Variants in MGA observed in about 807,000 individuals in gnomAD.
MGA encodes the protein MAX gene-associated protein.
A neutral mutation model predicts 261.1 loss-of-function variants in MGA; 40 were observed. The ratio of observed to expected loss-of-function variants is 0.15; its 90% CI spans 0.12 to 0.20. The LOEUF (loss-of-function observed/expected upper bound fraction) is 0.20, where lower values mean the gene tolerates loss of function less well. Ranked by LOEUF, MGA falls within the 10% of genes least tolerant of loss-of-function variation. MGA has a pLI of 1.00. For synonymous variants in MGA, 1,302 were observed against 1,290.6 expected, an observed-to-expected ratio of 1.01 and a Z score of -0.19; for missense variants, 3,397 against 3,630.5, an observed-to-expected ratio of 0.94 and a Z score of 1.65.
At chr15:41,745,251 C>G (rs1202026826) in intron 15 of MGA, among the ~76,000 whole-genome samples, 2 of 145,088 alleles carry the variant, frequency 1.4e-5, no homozygotes, top group African/African-American at 5.1e-5. Context: ...GCCAAATCCC[C>G]CTATGCGAGA....
intron 2 of MGA, among the ~76,000 whole-genome samples, chr15:41,689,253 C>T (rs1412768668): frequency 6.6e-6 from 1 of 151,734 alleles, no homozygotes; most frequent in Non-Finnish European, 1.5e-5. Context: ...TGTACCCTCT[C>T]CCTCTCTCTG....
chr15:41,715,539 A>T (rs919240042), intron 9 of MGA, among the ~76,000 whole-genome samples: 4 of 152,090 alleles, frequency 2.6e-5, no homozygotes, highest in Admixed American at 1.3e-4. Context: ...AATATAGCTG[A>T]ATTTATTTGA....
At chr15:41,678,870 C>A (rs2058522276) in intron 2 of MGA, among the ~76,000 whole-genome samples, 1 of 151,728 alleles carries the variant, frequency 6.6e-6, no homozygotes, top group Non-Finnish European at 1.5e-5. Context: ...ATTGATTTCT[C>A]AGCTCTCTGT....
intron 1 of MGA, among the ~76,000 whole-genome samples, chr15:41,628,392 A>C (rs1366234588): frequency 6.7e-6 from 1 of 148,886 alleles, no homozygotes; most frequent in Non-Finnish European, 1.5e-5. Flanking sequence ...AAAAAAAGCT[A>C]TGAAGAAAAC....
intron 18 of MGA, among the ~76,000 whole-genome samples, chr15:41,756,530 C>T (rs886145303): frequency 6.6e-6 from 1 of 152,094 alleles, no homozygotes; most frequent in African/African-American, 2.4e-5. Flanking sequence ...TTCCTCTGCT[C>T]CTATGCCCCA....
chr15:41,742,527 T>A lies in MGA; in HGVS notation c.4586-19T>A. 6.2e-7 allele frequency: 1 copy of A among 1,604,290 alleles called. No homozygotes were observed. Among genetic ancestry groups the A allele is most frequent in the Non-Finnish European group, 8.5e-7 (1 of 1,174,638 alleles). The stretch of plus-strand genomic sequence containing the variant: ...ATATGAGAACTGAAGATTTTTGACC[T>A]GCAAATTTCTGTTTGCAGCGGCTCG... On this transcript the variant is annotated intron_variant, in intron 14 of 23. Transcript: ENST00000219905.
chr15:41,765,468 A>G (rs1391442715), intron 23 of MGA, among the ~76,000 whole-genome samples: 1 of 152,212 alleles, frequency 6.6e-6, no homozygotes, highest in African/African-American at 2.4e-5. Flanking sequence ...CAAAGGGTAA[A>G]GTTGAAAGAG....
At position 41,710,835 on chromosome 15, in the gene MGA, T is replaced by C. The variant is rs755263204; in HGVS notation, c.2570T>C (p.Leu857Pro). The C allele has an allele frequency of 6.2e-7, 1 of 1,613,984 alleles. No individual in the cohort carries two copies. Among genetic ancestry groups the C allele is most frequent in the Non-Finnish European group, 8.5e-7 (1 of 1,179,872 alleles). ...CCCACATCTCCTGTGGTGTACCAGC[T>C]TCCCACTAAGAGTACCAGTTATGTA... is the stretch of plus-strand genomic sequence containing the variant. The change falls in exon 8 of 24, where the codon CTT becomes CCT. Residue 857 changes from leucine (L) to proline (P), a missense_variant. This residue lies in a region of MGA where 519 missense variants were observed against 554.1 expected (regional missense o/e 0.94). Transcript: ENST00000219905.
chr15:41,756,514 A>C (rs1249485112), intron 18 of MGA, among the ~76,000 whole-genome samples: 6 of 152,178 alleles, frequency 3.9e-5, no homozygotes, highest in Non-Finnish European at 8.8e-5. Context: ...GAAGGTGTGC[A>C]TATCTTTCCT....
chr15:41,707,618 C>T (rs2060188021), intron 5 of MGA, 110 bp from the exon 6 acceptor site: 12 of 1,040,094 alleles, frequency 1.2e-5, no homozygotes, highest in South Asian at 7.3e-5. Flanking sequence ...TCTCCTTTCT[C>T]TCTCGACCTT....
intron 17 of MGA, among the ~76,000 whole-genome samples, chr15:41,753,994 C>G (rs905566902): frequency 4.6e-5 from 7 of 152,222 alleles, no homozygotes; most frequent in African/African-American, 1.7e-4. Flanking sequence ...TCTTGGGTCA[C>G]TGCAGCCTCG....
At chr15:41,633,730 T>C (rs1338902786) in intron 1 of MGA, among the ~76,000 whole-genome samples, 1 of 152,148 alleles carries the variant, frequency 6.6e-6, no homozygotes, top group Non-Finnish European at 1.5e-5. Context: ...GCCTGTGATA[T>C]ATTCTTAATA....
chr15:41,710,850 C>T lies in MGA; in HGVS notation c.2585C>T (p.Thr862Ile), dbSNP rs2060352144. 6.2e-7 allele frequency: 1 copy of T among 1,613,770 alleles called. No homozygotes were observed. The change falls in exon 8 of 24, where the codon ACC (threonine) becomes ATC (isoleucine). Residue 862 changes from threonine to isoleucine, a missense_variant. Thr to Ile is a moderately conservative substitution (Grantham distance 89, BLOSUM62 -1). This residue lies in a region of MGA where 519 missense variants were observed against 554.1 expected (regional missense o/e 0.94). Transcript: ENST00000219905. ...GTGTACCAGCTTCCCACTAAGAGTA[C>T]CAGTTATGTACGAACACTTGATAGT...
In MGA at chr15:41,697,125, T is replaced by G. The variant is rs1426656582; in HGVS notation, c.2013+102T>G. On this transcript the variant is annotated intron_variant, in intron 3 of 23. Coordinates refer to ENST00000219905, the MANE Select transcript of MGA (RefSeq NM_001164273.2). ...ATTTACAATCTAGTTTTGTGATATC[T>G]ATTTGTGAGGGTGTATGGGGGGTGG... 3.9e-6 allele frequency: 4 copies of G among 1,034,678 alleles called. No homozygotes were observed. In the East Asian group the frequency reaches 1.0e-4, roughly 27 times the overall value. The allele number at this position is 1,034,678 out of a possible 1,614,324, so 64.1% of individuals were successfully genotyped here.
At chr15:41,683,986 T>C (rs1041164988) in intron 2 of MGA, among the ~76,000 whole-genome samples, 1 of 152,174 alleles carries the variant, frequency 6.6e-6, no homozygotes, top group African/African-American at 2.4e-5. Context: ...GTTAGTTACA[T>C]ACGGCATGCT....
chr15:41,728,736 G>A (rs2061367871), intron 10 of MGA, among the ~76,000 whole-genome samples: 1 of 152,146 alleles, frequency 6.6e-6, no homozygotes, highest in African/African-American at 2.4e-5. Flanking sequence ...TCAAACCTGT[G>A]TTATTCAGGG....
At chr15:41,705,392 T>G (rs921427156) in intron 5 of MGA, among the ~76,000 whole-genome samples, 1 of 152,116 alleles carries the variant, frequency 6.6e-6, no homozygotes, top group African/African-American at 2.4e-5. Context: ...GGATTTTGCT[T>G]TTTTGCCTAG....
chr15:41,721,741 C>T (rs558148121), intron 9 of MGA, among the ~76,000 whole-genome samples: 2 of 152,298 alleles, frequency 1.3e-5, no homozygotes, highest in Non-Finnish European at 2.9e-5. Flanking sequence ...AATGGGAAAT[C>T]TCCTACACTG....
intron 10 of MGA, among the ~76,000 whole-genome samples, chr15:41,727,755 GA>G (rs937073551): frequency 6.6e-6 from 1 of 151,830 alleles, no homozygotes; most frequent in African/African-American, 2.4e-5. Flanking sequence ...AAAACATTAG[GA>G]AAAAGCTTTT....
Sources: allele counts gnomAD v4.1 joint callset (sites outside exome capture counted in the v4.1 genomes callset), GRCh38; gene constraint gnomAD v4.1.1; regional missense constraint gnomAD v4.1.1; transcripts MANE v1.5; gene names NCBI Gene and HGNC (gene_info 2026-07-23, HGNC 2026-07-21).